ATF6: variants seen among roughly 807,000 people sequenced by gnomAD.
The protein encoded by ATF6 is activating transcription factor 6.
ATF6 carries 53 observed loss-of-function variants against 83.6 expected under a neutral mutation model. The observed-to-expected ratio is 0.63, with a 90% CI of 0.51 to 0.80. ATF6 has a LOEUF of 0.80. Ranked by LOEUF, ATF6 falls within the 30% of genes least tolerant of loss-of-function variation. The pLI is 0.00. For missense variants in ATF6, 744 were observed against 797.9 expected, an observed-to-expected ratio of 0.93 and a Z score of 0.81; for synonymous variants, 288 against 285.8, an observed-to-expected ratio of 1.01 and a Z score of -0.08.
chr1:161,847,135 T>TAGA (rs1686503814), intron 10 of ATF6, among the ~76,000 whole-genome samples: 1 of 152,198 alleles, frequency 6.6e-6, no homozygotes, highest in South Asian at 2.1e-4. Flanking sequence ...TTATGTTAAC[T>TAGA]AGAAGAAGGT....
intron 13 of ATF6, among the ~76,000 whole-genome samples, chr1:161,861,207 G>A (rs1423241912): frequency 6.6e-6 from 1 of 152,096 alleles, no homozygotes; most frequent in Non-Finnish European, 1.5e-5. Context: ...TCTATCTGTA[G>A]CTCTACCACA....
chr1:161,869,117 A>G (rs1249235297), intron 14 of ATF6, among the ~76,000 whole-genome samples: 1 of 152,098 alleles, frequency 6.6e-6, no homozygotes, highest in Non-Finnish European at 1.5e-5. Flanking sequence ...TTTGTTCAAA[A>G]TGTTTGCCAG....
chr1:161,856,674 T>C (rs1686771271), intron 12 of ATF6, among the ~76,000 whole-genome samples: 1 of 152,162 alleles, frequency 6.6e-6, no homozygotes, highest in Admixed American at 6.5e-5. Flanking sequence ...ACACAGCTAG[T>C]ATAATTAACT....
intron 14 of ATF6, among the ~76,000 whole-genome samples, chr1:161,899,565 A>T (rs1558016617): frequency 6.6e-6 from 1 of 152,234 alleles, no homozygotes; most frequent in African/African-American, 2.4e-5. Flanking sequence ...ATAAATGATT[A>T]AAAAGAATTT....
chr1:161,917,987 A>G (rs1332602678), intron 15 of ATF6, among the ~76,000 whole-genome samples: 1 of 152,236 alleles, frequency 6.6e-6, no homozygotes, highest in Non-Finnish European at 1.5e-5. Flanking sequence ...CATACATTGT[A>G]TAAAATATCT....
intron 9 of ATF6, 92 bp downstream of exon 9, chr1:161,821,253 ATT>A: frequency 1.1e-6 from 1 of 893,432 alleles, no homozygotes; most frequent in Admixed American, 2.4e-5. Context: ...AGAAAAAATG[ATT>A]TGTTTTTCAA....
intron 1 of ATF6, among the ~76,000 whole-genome samples, chr1:161,772,841 CTACTG>C (rs998933028): frequency 6.6e-6 from 1 of 151,400 alleles, no homozygotes; most frequent in Non-Finnish European, 1.5e-5. Flanking sequence ...CTGCATTTCT[CTACTG>C]TATGTTACAG....
intron 13 of ATF6, among the ~76,000 whole-genome samples, chr1:161,861,883 T>C (rs1206270041): frequency 6.6e-6 from 1 of 152,196 alleles, no homozygotes; most frequent in Non-Finnish European, 1.5e-5. Context: ...TGCTGTCTAG[T>C]GTTGCTAAGC....
intron 1 of ATF6, among the ~76,000 whole-genome samples, chr1:161,773,260 A>C (rs1684436328): frequency 6.6e-6 from 1 of 151,448 alleles, no homozygotes; most frequent in South Asian, 2.1e-4. Context: ...CAGCCTTCCG[A>C]GTAGCTGGGA....
At chr1:161,909,725 G>A (rs920408589) in intron 14 of ATF6, among the ~76,000 whole-genome samples, 5 of 152,104 alleles carry the variant, frequency 3.3e-5, no homozygotes, top group African/African-American at 1.2e-4. Context: ...GGGAGGCCGA[G>A]GCGGGCAGAT....
chr1:161,860,360 C>T (rs1686857189), intron 13 of ATF6, 83 bp downstream of exon 13: 10 of 965,094 alleles, frequency 1.0e-5, no homozygotes, highest in East Asian at 2.8e-5. Flanking sequence ...TTCCCTTTCA[C>T]CTTAAATTTG....
At chr1:161,864,481 C>T (rs1236850411) in intron 14 of ATF6, among the ~76,000 whole-genome samples, 4 of 152,186 alleles carry the variant, frequency 2.6e-5, no homozygotes, top group Non-Finnish European at 5.9e-5. Flanking sequence ...TATTACCACT[C>T]ACTGTCACTG....
chr1:161,920,769 A>G (rs921750101), intron 15 of ATF6, among the ~76,000 whole-genome samples: 3 of 152,176 alleles, frequency 2.0e-5, no homozygotes, highest in East Asian at 1.9e-4. Context: ...TCAAGCCATC[A>G]TATTTGTATT....
intron 9 of ATF6, among the ~76,000 whole-genome samples, chr1:161,830,731 A>T (rs1367518586): frequency 1.3e-5 from 2 of 152,256 alleles, no homozygotes; most frequent in African/African-American, 4.8e-5. Flanking sequence ...GTGCTGGGAA[A>T]ACTGGCTAGC....
chr1:161,784,399 C>T (rs939343145), intron 4 of ATF6, among the ~76,000 whole-genome samples: 1 of 151,858 alleles, frequency 6.6e-6, no homozygotes, highest in Non-Finnish European at 1.5e-5. Context: ...CCCTTTCTTT[C>T]TCCTCCCTAT....
intron 6 of ATF6, among the ~76,000 whole-genome samples, chr1:161,801,760 T>C (rs1238122114): frequency 6.6e-6 from 1 of 152,216 alleles, no homozygotes; most frequent in Non-Finnish European, 1.5e-5. Flanking sequence ...CTTAGAAATC[T>C]AGGGATTACA....
At chr1:161,887,386 A>G (rs1281656026) in intron 14 of ATF6, among the ~76,000 whole-genome samples, 1 of 152,096 alleles carries the variant, frequency 6.6e-6, no homozygotes, top group Non-Finnish European at 1.5e-5. Context: ...GGCCTGAAGC[A>G]TTTTATGATG....
At chr1:161,925,404 T>G (rs942891559) in intron 15 of ATF6, among the ~76,000 whole-genome samples, 1 of 152,164 alleles carries the variant, frequency 6.6e-6, no homozygotes, top group Non-Finnish European at 1.5e-5. Flanking sequence ...ATTTGCTGAT[T>G]TGGATTTTTG....
chr1:161,846,023 A>G (rs1686478242), intron 9 of ATF6, among the ~76,000 whole-genome samples: 1 of 152,060 alleles, frequency 6.6e-6, no homozygotes, highest in Admixed American at 6.6e-5. Context: ...AATGAATTTG[A>G]CTTTTATTCC....
Sources: allele counts gnomAD v4.1 joint callset (sites outside exome capture counted in the v4.1 genomes callset), GRCh38; gene constraint gnomAD v4.1.1; transcripts MANE v1.5; gene names NCBI Gene and HGNC (gene_info 2026-07-23, HGNC 2026-07-21).